The following SVEP1 variants were observed in gnomAD, a reference collection of about 807,000 sequenced individuals.
The protein encoded by SVEP1 is sushi, von Willebrand factor type A, EGF and pentraxin domain-containing protein 1.
A neutral mutation model predicts 367.3 loss-of-function variants in SVEP1; 164 were observed. The observed-to-expected ratio is 0.45, with a 90% CI of 0.39 to 0.51. The LOEUF (loss-of-function observed/expected upper bound fraction) is 0.51. SVEP1 is among the 20% of genes least tolerant of loss of function. The probability of loss-of-function intolerance (pLI) is 0.00; values close to 1 mark genes in which losing one functional copy is unlikely to be tolerated. For synonymous variants in SVEP1, 1,666 were observed against 1,611.6 expected, an observed-to-expected ratio of 1.03 and a Z score of -0.81; for missense variants, 4,117 against 4,425.3, an observed-to-expected ratio of 0.93 and a Z score of 1.98.
At chr9:110,493,681 G>A (rs760989876) in intron 8 of SVEP1, among the ~76,000 whole-genome samples, 5 of 152,054 alleles carry the variant, frequency 3.3e-5, no homozygotes, top group South Asian at 2.1e-4. Flanking sequence ...GCAGTGAGCC[G>A]AGATCATGCC....
At chr9:110,427,015 A>G (rs1390609762) in intron 36 of SVEP1, among the ~76,000 whole-genome samples, 2 of 152,178 alleles carry the variant, frequency 1.3e-5, no homozygotes, top group African/African-American at 4.8e-5. Context: ...GCATCTTAGT[A>G]GTACAATATA....
At chr9:110,526,129 A>G (rs1829937432) in intron 3 of SVEP1, among the ~76,000 whole-genome samples, 4 of 152,148 alleles carry the variant, frequency 2.6e-5, no homozygotes, top group Admixed American at 2.6e-4. Context: ...TTAGCCAAAG[A>G]GTTCTTAGAC....
At chr9:110,436,526 GA>G in intron 27 of SVEP1, 22 bp from the exon 28 acceptor site, 3 of 1,608,070 alleles carry the variant, frequency 1.9e-6, no homozygotes, top group Non-Finnish European at 2.5e-6. Context: ...GAAAGAGAAA[GA>G]AAAGGAGGAA....
rs371151154 is a variant in SVEP1 at position 110,408,118 on chromosome 9, T to C, written c.7482A>G (p.Lys2494=). 10 of 1,613,736 alleles carry C rather than the reference T, an allele frequency of 6.2e-6. No individual in the cohort carries two copies. Among genetic ancestry groups the C allele is most frequent in the Non-Finnish European group, 8.5e-6 (10 of 1,179,856 alleles). ...GHWLGGKPTC[K]AIECLKPKEI... ...CCTTGGGTTTCAGGCACTCAATGGC[T>C]TTACATGTTGGTTTTCCTCCAAGCC... Residue 2494 remains lysine, a synonymous_variant, in exon 38 of 48, where the codon AAA becomes AAG. Transcript: ENST00000374469.
chr9:110,415,115 T>C (rs1828100008), intron 36 of SVEP1, among the ~76,000 whole-genome samples: 1 of 152,034 alleles, frequency 6.6e-6, no homozygotes, highest in African/African-American at 2.4e-5. Context: ...AAGATAAATG[T>C]TTTGATAAAA....
intron 36 of SVEP1, among the ~76,000 whole-genome samples, chr9:110,415,692 A>T (rs1343455458): frequency 6.6e-6 from 1 of 152,064 alleles, no homozygotes; most frequent in African/African-American, 2.4e-5. Flanking sequence ...GTTCTGCTCT[A>T]CAACAGTCTG....
At chr9:110,566,502 A>G (rs1830495855) in intron 1 of SVEP1, among the ~76,000 whole-genome samples, 1 of 152,212 alleles carries the variant, frequency 6.6e-6, no homozygotes, top group African/African-American at 2.4e-5. Context: ...GGAACTTTTA[A>G]CATGTTAGTA....
At chr9:110,453,649 C>G (rs1828732987) in intron 22 of SVEP1, among the ~76,000 whole-genome samples, 1 of 152,106 alleles carries the variant, frequency 6.6e-6, no homozygotes, top group Non-Finnish European at 1.5e-5. Flanking sequence ...GGGTGGATCA[C>G]TTGAGGTCAG....
intron 14 of SVEP1, among the ~76,000 whole-genome samples, chr9:110,473,030 T>C (rs369392140): frequency 6.6e-6 from 1 of 152,202 alleles, no homozygotes; most frequent in Admixed American, 6.5e-5. Context: ...TCTTACCTGA[T>C]AGATTTGTCT....
chr9:110,562,178 C>T (rs888350190), intron 1 of SVEP1, among the ~76,000 whole-genome samples: 1 of 148,814 alleles, frequency 6.7e-6, no homozygotes, highest in Middle Eastern at 3.5e-3. Context: ...CTAATAATGA[C>T]AAATTCCACC....
Position 110,458,710 on chromosome 9 carries a change from T to G in SVEP1, c.3485-148A>C, listed in dbSNP as rs1218239116. On this transcript the variant is annotated intron_variant, in intron 19 of 47. Transcript: ENST00000374469. The stretch of plus-strand genomic sequence containing the variant: ...TATATTTTAAAAAAGAAAACAGAGA[T>G]GGATGGCATACATCATTACATCCTA... The G allele has an allele frequency of 1.8e-4, 164 of 909,198 alleles. 1 individual carries two copies. In the East Asian group the frequency reaches 4.3e-3, roughly 24 times the overall value. The allele number at this position is 909,198 out of a possible 1,614,324, so 56.3% of individuals were successfully genotyped here. A position where few individuals can be genotyped will look rare whatever the true frequency, so the allele number is the denominator to read the frequency against.
intron 41 of SVEP1, 92 bp from the exon 42 acceptor site, chr9:110,387,550 T>C (rs978933232): frequency 2.3e-6 from 3 of 1,314,230 alleles, no homozygotes; most frequent in South Asian, 3.1e-5. Context: ...TCATGGAATA[T>C]ATAAAATATT....
At chr9:110,563,951 T>G (rs1321189606) in intron 1 of SVEP1, among the ~76,000 whole-genome samples, 3 of 152,032 alleles carry the variant, frequency 2.0e-5, no homozygotes, top group Non-Finnish European at 4.4e-5. Context: ...TAATTCAAAT[T>G]CCCAGGAAAA....
At chr9:110,511,488 C>CTTTTTTTATTTTTTTTTTTTTTTTTTTT (rs1829711406) in intron 5 of SVEP1, among the ~76,000 whole-genome samples, 1 of 77,554 alleles carries the variant, frequency 1.3e-5, no homozygotes. Flanking sequence ...GTGTCAGTAC[C>CTTTTTTTATTTTTTTTTTTTTTTTTTTT]TTTTTTTTTT....
At chr9:110,395,140 T>TAACA (rs1827736076) in intron 40 of SVEP1, among the ~76,000 whole-genome samples, 1 of 152,230 alleles carries the variant, frequency 6.6e-6, no homozygotes, top group South Asian at 2.1e-4. Flanking sequence ...CCCAGCAGAC[T>TAACA]AACAGCTGAT....
intron 3 of SVEP1, among the ~76,000 whole-genome samples, chr9:110,532,131 T>G (rs1564169305): frequency 6.6e-6 from 1 of 152,144 alleles, no homozygotes. Context: ...TACTCCTTCA[T>G]TCATTCACCA....
At chr9:110,459,156 CA>C in intron 18 of SVEP1, 43 bp from the exon 19 acceptor site, 1 of 1,576,426 alleles carries the variant, frequency 6.3e-7, no homozygotes, top group South Asian at 1.1e-5. Context: ...TAAAGTAACA[CA>C]CCCTACATTT....
At chr9:110,464,563 A>G (rs1828907226) in intron 18 of SVEP1, among the ~76,000 whole-genome samples, 2 of 152,072 alleles carry the variant, frequency 1.3e-5, no homozygotes, top group African/African-American at 4.8e-5. Flanking sequence ...ATCTCTCTCT[A>G]ACTGGATGAA....
rs192740597 is a variant in SVEP1 at position 110,528,699 on chromosome 9, T to C, written c.965-14593A>G. Among the ~76,000 whole-genome samples, 707 of 152,138 alleles carry C rather than the reference T, an allele frequency of 4.6e-3. 4 individuals are homozygous for C. The highest frequency in any genetic ancestry group is 0.016 in the African/African-American group (659 of 41,560). Reference sequence around the variant, plus strand: ...ATTTGTTTGAGTTCCTTGTGCATTCTGGATATTAGTCCTTTGTCAGGTCCA... The same window carrying C: ...ATTTGTTTGAGTTCCTTGTGCATTCCGGATATTAGTCCTTTGTCAGGTCCA... On this transcript the variant is annotated intron_variant, in intron 3 of 47. Transcript: ENST00000374469.
Sources: gnomAD v4.1 joint callset for allele counts (sites outside exome capture counted in the v4.1 genomes callset) on GRCh38, gnomAD v4.1.1 for gene constraint, MANE v1.5 for transcripts, NCBI Gene and HGNC (gene_info 2026-07-23, HGNC 2026-07-21) for gene names.